FUT8: variants seen among roughly 807,000 people sequenced by gnomAD.
FUT8 encodes fucosyltransferase 8.
In FUT8, 29 loss-of-function variants were observed where a neutral mutation model predicts 71.3. The observed-to-expected ratio is 0.41, with a 90% confidence interval of 0.30 to 0.55. FUT8 has a LOEUF of 0.55. Ranked by LOEUF, FUT8 falls within the 20% of genes least tolerant of loss-of-function variation. The pLI, the probability that FUT8 is intolerant of heterozygous loss-of-function variation, is 0.34. For synonymous variants in FUT8, 254 were observed against 239.3 expected (o/e 1.06, Z -0.57); for missense variants, 544 against 702.1 (o/e 0.77, Z 2.55).
intron 2 of FUT8, among the ~76,000 whole-genome samples, chr14:65,557,415 C>T (rs1885651334): frequency 3.3e-5 from 5 of 151,306 alleles, no homozygotes; most frequent in Admixed American, 6.6e-5. Flanking sequence ...TCACTGCAAC[C>T]TCCACCTTCC....
intron 1 of FUT8, among the ~76,000 whole-genome samples, chr14:65,417,719 A>G (rs1293927878): frequency 6.6e-6 from 1 of 152,202 alleles, no homozygotes; most frequent in African/African-American, 2.4e-5. Context: ...TAATTAACAA[A>G]TTATACCAAT....
intron 5 of FUT8, among the ~76,000 whole-genome samples, chr14:65,622,840 G>C (rs1455760734): frequency 6.6e-6 from 1 of 151,314 alleles, no homozygotes; most frequent in South Asian, 2.1e-4. Flanking sequence ...ATTTACCCCC[G>C]TAAGTGTTAA....
intron 1 of FUT8, among the ~76,000 whole-genome samples, chr14:65,447,291 C>CT: frequency 1.2e-5 from 1 of 81,830 alleles, no homozygotes; most frequent in African/African-American, 4.4e-5. Context: ...GAGACTCTCT[C>CT]AAAAAAAAAA....
rs1230506595 is a variant in FUT8 at position 65,615,967 on chromosome 14, C to T, written c.204-11C>T. 1 of 1,584,476 alleles carries T rather than the reference C, an allele frequency of 6.3e-7. No homozygotes were observed. The highest frequency in any genetic ancestry group is 8.6e-7 in the Non-Finnish European group (1 of 1,160,542). Reference sequence around the variant, plus strand: ...AAGCTAAATGTTTACATTATCTTCCCTAAACTACAGGATACCAGAAGGCCC... The same window carrying T: ...AAGCTAAATGTTTACATTATCTTCCTTAAACTACAGGATACCAGAAGGCCC... On this transcript the variant is annotated splice_polypyrimidine_tract_variant and intron_variant, in intron 3 of 10. Coordinates refer to ENST00000673929, the MANE Select transcript of FUT8 (RefSeq NM_001371533.1).
chr14:65,676,835 A>G (rs1197920445), intron 7 of FUT8, among the ~76,000 whole-genome samples: 1 of 152,162 alleles, frequency 6.6e-6, no homozygotes, highest in Non-Finnish European at 1.5e-5. Flanking sequence ...TTCTACAAAC[A>G]AGATAATTGT....
intron 2 of FUT8, among the ~76,000 whole-genome samples, chr14:65,509,271 T>G (rs1460055569): frequency 2.6e-5 from 4 of 152,184 alleles, no homozygotes; most frequent in African/African-American, 9.7e-5. Flanking sequence ...TCGGTTCTAT[T>G]GTTCTGTGTG....
chr14:65,565,171 A>G (rs1042072175), intron 3 of FUT8, among the ~76,000 whole-genome samples: 2 of 151,922 alleles, frequency 1.3e-5, no homozygotes, highest in South Asian at 2.1e-4. Context: ...TTTTTAAACA[A>G]CCTGCTCTTT....
chr14:65,502,613 G>T (rs1169982591), intron 2 of FUT8, among the ~76,000 whole-genome samples: 10 of 152,092 alleles, frequency 6.6e-5, no homozygotes, highest in African/African-American at 2.4e-4. Flanking sequence ...GCCTCTTGAG[G>T]TATTTCTGTT....
chr14:65,511,529 TC>T (rs1882347099), intron 2 of FUT8, among the ~76,000 whole-genome samples: 2 of 152,206 alleles, frequency 1.3e-5, no homozygotes, highest in African/African-American at 2.4e-5. Flanking sequence ...AGTCTTTCTC[TC>T]TTTAGCTCTA....
chr14:65,552,289 G>C lies in FUT8; in HGVS notation c.-227-9048G>C, dbSNP rs117000099. Reference sequence around the variant, plus strand: ...CTTCACTTTGCAATTAGAACCCACTGTAATATTACCTATTGAAGGCAGGGA... The same window carrying C: ...CTTCACTTTGCAATTAGAACCCACTCTAATATTACCTATTGAAGGCAGGGA... On this transcript the variant is annotated intron_variant, in intron 2 of 10. Coordinates refer to ENST00000673929, the MANE Select transcript of FUT8 (RefSeq NM_001371533.1). Among the ~76,000 whole-genome samples the C allele has an allele frequency of 6.2e-3, 949 of 152,216 alleles. 11 individuals carry two copies. Among genetic ancestry groups the C allele is most frequent in the East Asian group, 0.036 (184 of 5,178 alleles).
upstream of FUT8, among the ~76,000 whole-genome samples, chr14:65,409,405 C>T (rs530831305): frequency 1.3e-5 from 2 of 152,150 alleles, no homozygotes; most frequent in African/African-American, 2.4e-5. The surrounding 1 kb of genome is among the most constrained non-coding windows in gnomAD (Gnocchi z 5.4). Context: ...ATCTCCCCAC[C>T]GTAATAACAG....
the FUT8 span, among the ~76,000 whole-genome samples, chr14:65,369,699 T>C: frequency 1.2e-4 from 19 of 152,324 alleles, no homozygotes; most frequent in African/African-American, 4.1e-4. This position sits in a 1 kb window ranked among gnomAD's most constrained non-coding sequence, Gnocchi z 4.6. Context: ...GCCATGGCAA[T>C]ATCAGAAAGT....
chr14:65,451,287 C>G (rs765241628), intron 1 of FUT8, among the ~76,000 whole-genome samples: 1 of 152,394 alleles, frequency 6.6e-6, no homozygotes, highest in Non-Finnish European at 1.5e-5. Flanking sequence ...CACTCAGACC[C>G]ACTGCGTTCT....
Position 65,439,954 on chromosome 14 carries a change from G to GTATACGTATATA in FUT8, c.-325-15663_-325-15662insCGTATATATATA, listed in dbSNP as rs1555360999. Among the ~76,000 whole-genome samples the GTATACGTATATA allele has an allele frequency of 6.9e-3, 519 of 74,970 alleles. 25 individuals carry two copies. Among genetic ancestry groups the GTATACGTATATA allele is most frequent in the Non-Finnish European group, 9.7e-3 (390 of 40,288 alleles). The allele number at this position is 74,970 out of a possible 152,430, so 49.2% of individuals were successfully genotyped here. ...ATAAAGAAAATGTGTGTGTGTGTGT[G>GTATACGTATATA]TATATATATATATATATATATATAT... On this transcript the variant is annotated intron_variant, in intron 1 of 10. Transcript: ENST00000673929.
At chr14:65,449,154 A>G (rs2065785055) in intron 1 of FUT8, among the ~76,000 whole-genome samples, 1 of 152,236 alleles carries the variant, frequency 6.6e-6, no homozygotes, top group Non-Finnish European at 1.5e-5. Flanking sequence ...ATTTAGTACT[A>G]GTTTATGTTG....
Position 65,652,432 on chromosome 14 carries a change from T to G in FUT8, c.598-16811T>G, listed in dbSNP as rs1346757619. Among the ~76,000 whole-genome samples the G allele has an allele frequency of 6.6e-6, 1 of 152,200 alleles. No homozygotes were observed. Among genetic ancestry groups the G allele is most frequent in the African/African-American group, 2.4e-5 (1 of 41,448 alleles). On this transcript the variant is annotated intron_variant, in intron 6 of 10. Coordinates refer to ENST00000673929, the MANE Select transcript of FUT8 (RefSeq NM_001371533.1). The surrounding 1 kb of genome is among the most constrained non-coding windows in gnomAD (Gnocchi z 4.0). ...AGAAAAAAACTTTTAGTGTACTTCT[T>G]CTTCTGGCCTTTGGATATGATGTGA...
In FUT8 at chr14:65,643,301, T is replaced by C. The variant is rs991894103; in HGVS notation, c.597+13695T>C. Among the ~76,000 whole-genome samples the C allele has an allele frequency of 6.6e-6, 1 of 152,160 alleles. No homozygotes were observed. The highest frequency in any genetic ancestry group is 1.5e-5 in the Non-Finnish European group (1 of 68,028). On this transcript the variant is annotated intron_variant, in intron 6 of 10. Transcript: ENST00000673929. This position sits in a 1 kb window ranked among gnomAD's most constrained non-coding sequence, Gnocchi z 4.5. ...AAGGCTTTCACAACATCATTCCTTA[T>C]TGAGGGTATAAAAGGGAATACATAT...
intron 7 of FUT8, among the ~76,000 whole-genome samples, chr14:65,685,654 A>T (rs1022328125): frequency 2.6e-5 from 4 of 152,338 alleles, no homozygotes; most frequent in African/African-American, 9.6e-5. Flanking sequence ...TTCTTGTTAC[A>T]TGCTAAACAG....
intron 7 of FUT8, among the ~76,000 whole-genome samples, chr14:65,692,478 A>G (rs868821873): frequency 0.14 from 1,823 of 12,682 alleles, 137 homozygotes; most frequent in East Asian, 0.55. Flanking sequence ...CCTCCCTCCC[A>G]GACGGGGCGG....
Sources: allele counts gnomAD v4.1 joint callset (sites outside exome capture counted in the v4.1 genomes callset), GRCh38; gene constraint gnomAD v4.1.1; non-coding constraint Gnocchi (gnomAD v3.1); transcripts MANE v1.5; gene names NCBI Gene and HGNC (gene_info 2026-07-23, HGNC 2026-07-21).